GREM1: variants seen among roughly 807,000 people sequenced by gnomAD.
GREM1 encodes the protein gremlin-1.
Under a neutral mutation model 13.1 loss-of-function variants are expected in GREM1, and 6 were observed. The ratio of observed to expected loss-of-function variants is 0.46; its 90% CI spans 0.25 to 0.91. GREM1 has a LOEUF of 0.91. Ranked by LOEUF, GREM1 falls within the 40% of genes least tolerant of loss-of-function variation. The pLI is 0.18. For synonymous variants in GREM1, 98 were observed against 93.7 expected (o/e 1.05, Z -0.27); for missense variants, 185 against 233.9 (o/e 0.79, Z 1.36).
At chr15:32,729,785 A>T (rs554577264) in intron 1 of GREM1, among the ~76,000 whole-genome samples, 21 of 152,376 alleles carry the variant, frequency 1.4e-4, no homozygotes, top group African/African-American at 4.3e-4. Flanking sequence ...TAAATTGTAT[A>T]TACACAGACA....
Position 32,734,636 on chromosome 15 carries a change from G to T in GREM1, c.*3391G>T. On this transcript the variant is annotated 3_prime_UTR_variant, in exon 2 of 2. Coordinates refer to ENST00000651154, the MANE Select transcript of GREM1 (RefSeq NM_013372.7). ...AATGTTCTATATAGCCTTTGCTAAA[G>T]AGCAACTAATAAATTAAACCTATTC... 4.1e-6 allele frequency: 1 copy of T among 244,208 alleles called. No homozygotes were observed. The allele number at this position is 244,208 out of a possible 1,614,324, so 15.1% of individuals were successfully genotyped here.
In GREM1 at chr15:32,741,806, T is replaced by C. The variant is rs1325818577; in HGVS notation, c.*10561T>C. The C allele has an allele frequency of 6.6e-6, 1 of 152,106 alleles. No individual in the cohort carries two copies. Among genetic ancestry groups the C allele is most frequent in the Non-Finnish European group, 1.5e-5 (1 of 67,994 alleles). The allele number at this position is 152,106 out of a possible 1,614,324, so 9.4% of individuals were successfully genotyped here. ...TATTCGGTATAATGTTAGTTATGGGTTTTTAAAAATATATATGACCTTTAT... is the reference window on the plus strand; with the variant it reads ...TATTCGGTATAATGTTAGTTATGGGCTTTTAAAAATATATATGACCTTTAT... On this transcript the variant is annotated 3_prime_UTR_variant, in exon 2 of 2. Transcript: ENST00000651154.
chr15:32,728,561 A>G (rs1199886436), intron 1 of GREM1, among the ~76,000 whole-genome samples: 2 of 152,216 alleles, frequency 1.3e-5, no homozygotes, highest in Admixed American at 6.5e-5. Context: ...TTTACTTACC[A>G]TGTGCTGTTC....
rs2055734322 is a variant in GREM1, at chr15:32,738,602, G to A, written c.*7357G>A. The A allele has an allele frequency of 6.6e-6, 1 of 152,082 alleles. No individual in the cohort carries two copies. Among genetic ancestry groups the A allele is most frequent in the Non-Finnish European group, 1.5e-5 (1 of 68,022 alleles). 9.4% of individuals were successfully genotyped at this position (152,082 alleles called of 1,614,324 possible). On this transcript the variant is annotated 3_prime_UTR_variant, in exon 2 of 2. Coordinates refer to ENST00000651154, the MANE Select transcript of GREM1 (RefSeq NM_013372.7). ...CCTAAAATTCATAAGAAATTGAAAGGGATCCACAATAGCCAAAATAATCTT... is the reference window on the plus strand; with the variant it reads ...CCTAAAATTCATAAGAAATTGAAAGAGATCCACAATAGCCAAAATAATCTT...
At position 32,742,651 on chromosome 15, in the gene GREM1, A is replaced by C. The variant is rs1246771569; in HGVS notation, c.*11406A>C. The C allele has an allele frequency of 6.6e-6, 1 of 151,838 alleles. No homozygotes were observed. The highest frequency in any genetic ancestry group is 1.5e-5 in the Non-Finnish European group (1 of 68,038). The allele number at this position is 151,838 out of a possible 1,614,324, so 9.4% of individuals were successfully genotyped here. The stretch of plus-strand genomic sequence containing the variant: ...CCTGCAAAGGTACAGTAATCAAAAC[A>C]GTATGTTACCAGCATAAAGACAAAC... On this transcript the variant is annotated 3_prime_UTR_variant, in exon 2 of 2. Transcript: ENST00000651154.
rs114181728 is a variant in GREM1, at chr15:32,732,748, G to T, written c.*1503G>T. The T allele has an allele frequency of 9.5e-4, 222 of 232,484 alleles. No homozygotes were observed. Among genetic ancestry groups the T allele is most frequent in the African/African-American group, 4.6e-3 (204 of 44,588 alleles). 14.4% of individuals were successfully genotyped at this position (232,484 alleles called of 1,614,324 possible). A position where few individuals can be genotyped will look rare whatever the true frequency, so the allele number is the denominator to read the frequency against. On this transcript the variant is annotated 3_prime_UTR_variant, in exon 2 of 2. Coordinates refer to ENST00000651154, the MANE Select transcript of GREM1 (RefSeq NM_013372.7). ...TCCTCTGATTAAACTTGGCCTACTG[G>T]CAATGGCTACTTAGGATTGATCTAA...
rs748935580 is a variant in GREM1 at position 32,734,206 on chromosome 15, C to A, written c.*2961C>A. ...TCTTTATTTTTTAAATTGAATGTTC[C>A]TTAAAGGTTAACATTTCTAAAGCAA... is the stretch of plus-strand genomic sequence containing the variant. On this transcript the variant is annotated 3_prime_UTR_variant, in exon 2 of 2. Transcript: ENST00000651154. 4 of 241,412 alleles carry A rather than the reference C, an allele frequency of 1.7e-5. 1 individual carries two copies. The Admixed American group carries it at 1.7e-4, about 10-fold the overall frequency. The allele number at this position is 241,412 out of a possible 1,614,324, so 15.0% of individuals were successfully genotyped here.
At chr15:32,718,578 C>T (rs553911477) in intron 1 of GREM1, 5 of 424,390 alleles carry the variant, frequency 1.2e-5, no homozygotes, top group Admixed American at 2.6e-5. Context: ...CGGCGAGTTG[C>T]CTTGAGAGGG....
rs1462370624 is a variant in GREM1 at position 32,734,469 on chromosome 15, T to A, written c.*3224T>A. ...GCATTATGTATTATGTCTGCTTAAA[T>A]CATTTAAAAACGGCAAAGAATTATA... On this transcript the variant is annotated 3_prime_UTR_variant, in exon 2 of 2. Transcript: ENST00000651154. 2 of 246,468 alleles carry A rather than the reference T, an allele frequency of 8.1e-6. No homozygotes were observed. Among genetic ancestry groups the A allele is most frequent in the African/African-American group, 4.4e-5 (2 of 45,284 alleles). The allele number at this position is 246,468 out of a possible 1,614,324, so 15.3% of individuals were successfully genotyped here.
intron 1 of GREM1, among the ~76,000 whole-genome samples, chr15:32,726,627 A>T (rs1039137094): frequency 1.3e-5 from 2 of 152,072 alleles, no homozygotes; most frequent in Non-Finnish European, 1.5e-5. Context: ...CTAGCAGAAG[A>T]CAAGAAATAA....
rs1422464446 is a variant in GREM1 at position 32,741,431 on chromosome 15, T to C, written c.*10186T>C. ...GTTTATTCCAGGGTCTTTTTTTTTT[T>C]TGCTGCTATTACAAATAGCATTGTT... On this transcript the variant is annotated 3_prime_UTR_variant, in exon 2 of 2. Transcript: ENST00000651154. 6.6e-6 allele frequency: 1 copy of C among 152,078 alleles called. No homozygotes were observed. Among genetic ancestry groups the C allele is most frequent in the Admixed American group, 6.5e-5 (1 of 15,276 alleles). The allele number at this position is 152,078 out of a possible 1,614,324, so 9.4% of individuals were successfully genotyped here.
chr15:32,724,731 T>C (rs1028188615), intron 1 of GREM1, among the ~76,000 whole-genome samples: 5 of 152,092 alleles, frequency 3.3e-5, no homozygotes, highest in Admixed American at 1.3e-4. Flanking sequence ...GGTGGTTTGC[T>C]GCACCCATCA....
chr15:32,738,108 A>AC lies in GREM1; in HGVS notation c.*6863_*6864insC, dbSNP rs2055723681. 8 of 107,694 alleles carry AC rather than the reference A, an allele frequency of 7.4e-5. 1 individual carries two copies. The South Asian group carries it at 2.4e-3, about 33-fold the overall frequency. The allele number at this position is 107,694 out of a possible 1,614,324, so 6.7% of individuals were successfully genotyped here. A position where few individuals can be genotyped will look rare whatever the true frequency, so the allele number is the denominator to read the frequency against. ...CAAAAAAAAAAAAAAAAAAAAAAAAAAAAAAAAAAAAAAAAAAAAAAAAAA... is the reference window on the plus strand; with the variant it reads ...CAAAAAAAAAAAAAAAAAAAAAAAAACAAAAAAAAAAAAAAAAAAAAAAAAA... On this transcript the variant is annotated 3_prime_UTR_variant, in exon 2 of 2. Coordinates refer to ENST00000651154, the MANE Select transcript of GREM1 (RefSeq NM_013372.7).
rs2055744451 is a variant in GREM1, at chr15:32,739,635, A to G, written c.*8390A>G. 1 of 152,212 alleles carries G rather than the reference A, an allele frequency of 6.6e-6. No homozygotes were observed. Among genetic ancestry groups the G allele is most frequent in the South Asian group, 2.1e-4 (1 of 4,830 alleles). 9.4% of individuals were successfully genotyped at this position (152,212 alleles called of 1,614,324 possible). ...GGACCCTTCTTCAATCCACAAACAC[A>G]TCTATTCTGCAAAAATTCATGGCTA... On this transcript the variant is annotated 3_prime_UTR_variant, in exon 2 of 2. Coordinates refer to ENST00000651154, the MANE Select transcript of GREM1 (RefSeq NM_013372.7).
rs1278178153 is a variant in GREM1 at position 32,734,214 on chromosome 15, T to C, written c.*2969T>C. The C allele has an allele frequency of 4.1e-6, 1 of 241,832 alleles. No individual in the cohort carries two copies. Among genetic ancestry groups the C allele is most frequent in the Non-Finnish European group, 8.7e-6 (1 of 114,366 alleles). The allele number at this position is 241,832 out of a possible 1,614,324, so 15.0% of individuals were successfully genotyped here. On this transcript the variant is annotated 3_prime_UTR_variant, in exon 2 of 2. Transcript: ENST00000651154. ...TTTTAAATTGAATGTTCCTTAAAGG[T>C]TAACATTTCTAAAGCAATATTAAGA...
In GREM1 at chr15:32,731,594, C is replaced by A. The variant is rs2055620526; in HGVS notation, c.*349C>A. On this transcript the variant is annotated 3_prime_UTR_variant, in exon 2 of 2. Coordinates refer to ENST00000651154, the MANE Select transcript of GREM1 (RefSeq NM_013372.7). ...TTGTGTTTTTGTGCCCTCCTGGGGA[C>A]CAGAATCTCCTTTCGGAATGAATGT... 3.0e-6 allele frequency: 1 copy of A among 335,030 alleles called. No individual in the cohort carries two copies. 20.8% of individuals were successfully genotyped at this position (335,030 alleles called of 1,614,324 possible). A position where few individuals can be genotyped will look rare whatever the true frequency, so the allele number is the denominator to read the frequency against.
At chr15:32,720,229 A>G (rs1275248080) in intron 1 of GREM1, among the ~76,000 whole-genome samples, 3 of 152,184 alleles carry the variant, frequency 2.0e-5, no homozygotes, top group Non-Finnish European at 4.4e-5. Flanking sequence ...CTCTGTAGGA[A>G]ATCCAGGTTG....
chr15:32,729,445 T>G lies in GREM1; in HGVS notation c.-1-1245T>G, dbSNP rs75674774. Among the ~76,000 whole-genome samples, 2,665 of 152,296 alleles carry G rather than the reference T, an allele frequency of 0.017. 155 individuals are homozygous for G. In the East Asian group the frequency reaches 0.21, roughly 12 times the overall value. On this transcript the variant is annotated intron_variant, in intron 1 of 1. Transcript: ENST00000651154. ...AAATATGCTGCTCCTTCTCCACCTT[T>G]CCCTCTTCTTCCGCCTTTTCTGTCT...
Position 32,735,720 on chromosome 15 carries a change from A to G in GREM1, c.*4475A>G, listed in dbSNP as rs2055688448. On this transcript the variant is annotated 3_prime_UTR_variant, in exon 2 of 2. Transcript: ENST00000651154. ...AAAGCCACACCCATTAGAAAAATAC[A>G]AGGCCTGAAAGGTGTGAGTGGGACT... is the stretch of plus-strand genomic sequence containing the variant. 6.6e-6 allele frequency: 1 copy of G among 151,872 alleles called. No homozygotes were observed. The highest frequency in any genetic ancestry group is 1.5e-5 in the Non-Finnish European group (1 of 67,988). The allele number at this position is 151,872 out of a possible 1,614,324, so 9.4% of individuals were successfully genotyped here. A position where few individuals can be genotyped will look rare whatever the true frequency, so the allele number is the denominator to read the frequency against.
Sources: allele counts gnomAD v4.1 joint callset (sites outside exome capture counted in the v4.1 genomes callset), GRCh38; gene constraint gnomAD v4.1.1; transcripts MANE v1.5; gene names NCBI Gene and HGNC (gene_info 2026-07-23, HGNC 2026-07-21).